Variants in SNORC observed in about 807,000 individuals in gnomAD.
SNORC encodes the protein protein SNORC.
A neutral mutation model predicts 9.7 loss-of-function variants in SNORC; 11 were observed. The ratio of observed to expected loss-of-function variants is 1.14; its 90% confidence interval spans 0.72 to 1.88. The LOEUF (loss-of-function observed/expected upper bound fraction) is 1.88, where lower values mean the gene tolerates loss of function less well. Among genes scored for constraint, SNORC ranks in the 40% most tolerant of loss-of-function variants. SNORC has a pLI of 0.00. For synonymous variants in SNORC, 108 were observed against 88.7 expected (o/e 1.22, Z -1.22); for missense variants, 197 against 173.1 (o/e 1.14, Z -0.77).
chr2:232,870,598 G>A (rs369778301), intron 1 of SNORC, among the ~76,000 whole-genome samples, 184 bp downstream of exon 1: 19 of 152,220 alleles, frequency 1.2e-4, no homozygotes, highest in Non-Finnish European at 2.5e-4. Flanking sequence ...TGGGATGGAC[G>A]TCTCAGGAAA....
intron 1 of SNORC, among the ~76,000 whole-genome samples, chr2:232,872,117 C>T (rs759745114): frequency 4.3e-5 from 6 of 139,812 alleles, no homozygotes; most frequent in Admixed American, 7.0e-5. Context: ...GTTGTTCTTG[C>T]GAGAGCGTTT....
chr2:232,876,133 G>A lies in SNORC; in HGVS notation c.256+11G>A. 9 of 1,491,588 alleles carry A rather than the reference G, an allele frequency of 6.0e-6. No individual in the cohort carries two copies. Among genetic ancestry groups the A allele is most frequent in the Non-Finnish European group, 8.0e-6 (9 of 1,128,356 alleles). The allele number at this position is 1,491,588 out of a possible 1,614,324, so 92.4% of individuals were successfully genotyped here. A position where few individuals can be genotyped will look rare whatever the true frequency, so the allele number is the denominator to read the frequency against. On this transcript the variant is annotated intron_variant, in intron 2 of 2. Coordinates refer to ENST00000331342, the Ensembl canonical transcript of SNORC. The surrounding 1 kb of genome is among the most constrained non-coding windows in gnomAD (Gnocchi z 6.8). ...TGGACCAGGGCGGCGGTACGGGCGG[G>A]GCGGGGGAGGGAGGGGAGAGGGAGA...
intron 1 of SNORC, among the ~76,000 whole-genome samples, chr2:232,874,784 A>G (rs1176048656): frequency 6.6e-6 from 1 of 152,236 alleles, no homozygotes; most frequent in Non-Finnish European, 1.5e-5. Context: ...CTGTTCACAG[A>G]ACGGCAGCCT....
chr2:232,875,445 TC>T (rs1691190667), intron 1 of SNORC: 2 of 388,040 alleles, frequency 5.2e-6, no homozygotes, highest in South Asian at 1.9e-5. Flanking sequence ...CGACCTACCA[TC>T]CCCATGTTGA....
chr2:232,875,963 C>T (rs1691215825), exon 2 of SNORC: 4 of 1,554,162 alleles, frequency 2.6e-6, no homozygotes, highest in Non-Finnish European at 3.5e-6. Flanking sequence ...GGAGCCCGTG[C>T]CCACGCTGTG....
intron 1 of SNORC, among the ~76,000 whole-genome samples, chr2:232,872,123 C>T (rs10172653): frequency 2.0e-5 from 3 of 150,114 alleles, no homozygotes; most frequent in Non-Finnish European, 2.9e-5. Flanking sequence ...CTTGCGAGAG[C>T]GTTTGACCCC....
chr2:232,876,643 G>A (rs1044619849), downstream of SNORC: 248 of 1,027,016 alleles, frequency 2.4e-4, 2 homozygotes, highest in African/African-American at 3.8e-3. The surrounding 1 kb of genome is among the most constrained non-coding windows in gnomAD (Gnocchi z 6.8). Flanking sequence ...GCAGGGCCGC[G>A]CGGCTCGGCG....
intron 1 of SNORC, among the ~76,000 whole-genome samples, chr2:232,872,849 CAT>C (rs1483577538): frequency 6.6e-6 from 1 of 152,234 alleles, no homozygotes; most frequent in Non-Finnish European, 1.5e-5. Context: ...ATTCTAGAAA[CAT>C]AGATGAGGAT....
chr2:232,878,679 T>TAAAG (rs1691374034), downstream of SNORC: 1 of 152,632 alleles, frequency 6.6e-6, no homozygotes, highest in Non-Finnish European at 1.5e-5. Flanking sequence ...ACAAGGGCAA[T>TAAAG]AAAGAGTAGA....
At chr2:232,870,366 A>G (rs1459584495) in exon 1 of SNORC, 3 of 1,567,734 alleles carry the variant, frequency 1.9e-6, no homozygotes, top group South Asian at 1.2e-5. Context: ...GGCCCTGCGC[A>G]TGGCGCTGCT....
At chr2:232,871,228 G>A (rs1691013534) in intron 1 of SNORC, among the ~76,000 whole-genome samples, 2 of 152,192 alleles carry the variant, frequency 1.3e-5, no homozygotes, top group East Asian at 1.9e-4. Flanking sequence ...CCGCAGTCAT[G>A]AGAGCATGGC....
rs979301892 is a variant in SNORC at position 232,876,209 on chromosome 2, G to C, written c.257-38G>C. 6 of 1,482,016 alleles carry C rather than the reference G, an allele frequency of 4.0e-6. No homozygotes were observed. The highest frequency in any genetic ancestry group is 5.3e-6 in the Non-Finnish European group (6 of 1,122,976). The allele number at this position is 1,482,016 out of a possible 1,614,324, so 91.8% of individuals were successfully genotyped here. On this transcript the variant is annotated intron_variant, in intron 2 of 2. Coordinates refer to ENST00000331342, the Ensembl canonical transcript of SNORC. This position sits in a 1 kb window ranked among gnomAD's most constrained non-coding sequence, Gnocchi z 6.8. ...GCGCGGGGAGAAGGGCCGGCCAGGC[G>C]GGGGCTAGCAGGTGACATGGTCCTC...
At chr2:232,875,465 G>A (rs1574973992) in intron 1 of SNORC, 2 of 415,610 alleles carry the variant, frequency 4.8e-6, no homozygotes, top group Non-Finnish European at 1.0e-5. Flanking sequence ...GAGCTTTCCA[G>A]CGTTTCTGGG....
exon 1 of SNORC, chr2:232,870,329 A>G (rs1193219217): frequency 1.9e-6 from 3 of 1,553,868 alleles, no homozygotes; most frequent in East Asian, 4.8e-5. Context: ...CGCTGCCCTC[A>G]CTCCCGGCCA....
chr2:232,868,958 A>G (rs1559179086), upstream of SNORC: 2 of 152,212 alleles, frequency 1.3e-5, no homozygotes, highest in African/African-American at 4.8e-5. Flanking sequence ...TACTAACTTG[A>G]TACTAATTTA....
upstream of SNORC, chr2:232,869,226 G>T (rs557909589): frequency 2.3e-4 from 35 of 152,354 alleles, no homozygotes; most frequent in African/African-American, 6.5e-4. Context: ...AATCACCACA[G>T]GACTGCCTTC....
upstream of SNORC, among the ~76,000 whole-genome samples, chr2:232,870,055 G>A (rs545497434): frequency 2.0e-5 from 3 of 152,078 alleles, no homozygotes; most frequent in Non-Finnish European, 4.4e-5. Context: ...TGTGTGTGTT[G>A]CGGGGTGGAG....
chr2:232,877,042 G>T (rs1009892706), downstream of SNORC: 2 of 985,614 alleles, frequency 2.0e-6, no homozygotes, highest in Non-Finnish European at 2.4e-6. Flanking sequence ...GGTTTTGGGG[G>T]ACGTCTTGAC....
At chr2:232,868,668 T>G (rs1313204309), upstream of SNORC, among the ~76,000 whole-genome samples, 1 of 152,200 alleles carries the variant, frequency 6.6e-6, no homozygotes, top group Admixed American at 6.5e-5. Flanking sequence ...CAACATTCCT[T>G]TCTTACTAAG....
Sources: allele counts gnomAD v4.1 joint callset (sites outside exome capture counted in the v4.1 genomes callset), GRCh38; gene constraint gnomAD v4.1.1; non-coding constraint Gnocchi (gnomAD v3.1); transcripts MANE v1.5; gene names NCBI Gene and HGNC (gene_info 2026-07-23, HGNC 2026-07-21).